Variants in FOXP2 observed in about 807,000 individuals in gnomAD.
FOXP2 encodes forkhead box protein P2.
Under a neutral mutation model 115.8 loss-of-function variants are expected in FOXP2, and 12 were observed. The observed-to-expected ratio is 0.10, with a 90% confidence interval of 0.07 to 0.17. FOXP2 has a LOEUF of 0.17. FOXP2 is among the 10% of genes least tolerant of loss of function. The pLI is 1.00. For missense variants in FOXP2, 629 were observed against 843.5 expected (o/e 0.75, Z 3.15); for synonymous variants, 328 against 297.7 (o/e 1.10, Z -1.05).
chr7:114,209,990 G>A (rs1363902684), intron 1 of FOXP2, among the ~76,000 whole-genome samples: 1 of 152,102 alleles, frequency 6.6e-6, no homozygotes, highest in African/African-American at 2.4e-5. Context: ...GGTCAGTTAT[G>A]TTCTTCTCCA....
At chr7:114,340,570 C>T (rs902060236) in intron 2 of FOXP2, among the ~76,000 whole-genome samples, 1 of 150,850 alleles carries the variant, frequency 6.6e-6, no homozygotes, top group Admixed American at 6.6e-5. Context: ...ACCTTTTTTG[C>T]AAAATAATTT....
chr7:114,532,687 GA>G (rs1453584434), intron 2 of FOXP2, among the ~76,000 whole-genome samples: 1 of 150,936 alleles, frequency 6.6e-6, no homozygotes, highest in African/African-American at 2.4e-5. Context: ...ATTTTTTAAA[GA>G]ATAATAAATA....
At chr7:114,493,999 C>T (rs1356695208) in intron 2 of FOXP2, among the ~76,000 whole-genome samples, 1 of 151,908 alleles carries the variant, frequency 6.6e-6, no homozygotes, top group African/African-American at 2.4e-5. Flanking sequence ...GTTCTTCTTT[C>T]TATGCTGTCA....
At chr7:114,547,228 T>C (rs1799969441) in intron 3 of FOXP2, among the ~76,000 whole-genome samples, 1 of 152,212 alleles carries the variant, frequency 6.6e-6, no homozygotes, top group African/African-American at 2.4e-5. Flanking sequence ...GCAATAACAA[T>C]TGATTCTTTT....
intron 1 of FOXP2, among the ~76,000 whole-genome samples, chr7:114,259,947 T>C (rs1795707453): frequency 1.3e-5 from 2 of 152,128 alleles, no homozygotes; most frequent in South Asian, 4.1e-4. Flanking sequence ...TGGAGTGCAG[T>C]GGTGCCATCT....
intron 2 of FOXP2, among the ~76,000 whole-genome samples, chr7:114,395,517 G>T (rs1307853161): frequency 6.6e-6 from 1 of 152,060 alleles, no homozygotes; most frequent in Non-Finnish European, 1.5e-5. Context: ...CAGATTCTGA[G>T]ATCTGAATTT....
At chr7:114,153,170 A>G (rs1277059191) in intron 1 of FOXP2, among the ~76,000 whole-genome samples, 1 of 152,120 alleles carries the variant, frequency 6.6e-6, no homozygotes, top group East Asian at 1.9e-4. Context: ...AAACTGGGAA[A>G]ACACAATTAG....
At chr7:114,291,424 G>A (rs185191285) in intron 2 of FOXP2, among the ~76,000 whole-genome samples, 1 of 152,202 alleles carries the variant, frequency 6.6e-6, no homozygotes, top group Admixed American at 6.6e-5. Flanking sequence ...TCAGTGTATT[G>A]CATTATGTAC....
At chr7:114,621,522 C>A (rs1263877807) in intron 3 of FOXP2, among the ~76,000 whole-genome samples, 1 of 152,056 alleles carries the variant, frequency 6.6e-6, no homozygotes, top group Non-Finnish European at 1.5e-5. Flanking sequence ...ACAATACTCT[C>A]AGTAAATCTA....
In FOXP2 at chr7:114,691,765, G is replaced by C. The variant is rs1319158232; in HGVS notation, c.*1839G>C. ...ACATACGTTCCCGTTCCATGTGATG[G>C]AACCGGTTCTTGCAAACTAAGCTCA... is the stretch of plus-strand genomic sequence containing the variant. On this transcript the variant is annotated 3_prime_UTR_variant, in exon 17 of 17. Transcript: ENST00000350908. 2.2e-6 allele frequency: 1 copy of C among 453,396 alleles called. No homozygotes were observed. Among genetic ancestry groups the C allele is most frequent in the Non-Finnish European group, 4.4e-6 (1 of 226,358 alleles). 28.1% of individuals were successfully genotyped at this position (453,396 alleles called of 1,614,324 possible). A position where few individuals can be genotyped will look rare whatever the true frequency, so the allele number is the denominator to read the frequency against.
chr7:114,216,154 C>T (rs1036962397), intron 1 of FOXP2, among the ~76,000 whole-genome samples: 3 of 152,058 alleles, frequency 2.0e-5, no homozygotes, highest in African/African-American at 7.2e-5. Flanking sequence ...GATTCTCTGC[C>T]CCTCTTATAG....
chr7:114,346,432 T>C (rs1791349493), intron 2 of FOXP2, among the ~76,000 whole-genome samples: 1 of 151,848 alleles, frequency 6.6e-6, no homozygotes, highest in Non-Finnish European at 1.5e-5. Context: ...TTACTGAGTG[T>C]ATAGTCAATG....
chr7:114,205,430 C>T (rs1040109750), intron 1 of FOXP2, among the ~76,000 whole-genome samples: 2 of 152,086 alleles, frequency 1.3e-5, no homozygotes, highest in South Asian at 2.1e-4. Context: ...ATTCATTTTC[C>T]AATCTTTACA....
intron 1 of FOXP2, among the ~76,000 whole-genome samples, chr7:114,204,392 T>C (rs1003081166): frequency 2.6e-5 from 4 of 152,202 alleles, no homozygotes; most frequent in Admixed American, 2.6e-4. Flanking sequence ...AACATGTAAC[T>C]AGTGGCTACT....
intron 1 of FOXP2, among the ~76,000 whole-genome samples, chr7:114,268,266 C>T (rs1452565130): frequency 6.6e-6 from 1 of 152,038 alleles, no homozygotes; most frequent in Non-Finnish European, 1.5e-5. Context: ...ATGTGTGGAA[C>T]TTATAATCAA....
In FOXP2 at chr7:114,659,405, A is replaced by C. The variant is rs778024661; in HGVS notation, c.1518A>C (p.Pro506=). 1.2e-6 allele frequency: 2 copies of C among 1,613,444 alleles called. No individual in the cohort carries two copies. The highest frequency in any genetic ancestry group is 2.2e-5 in the South Asian group (2 of 91,070). ...EFYKNADVRP[P]FTYATLIRQA... ...ATAAAAATGCAGATGTCAGACCTCC[A>C]TTTACTTATGCAACTCTCATAAGGC... The change falls in exon 12 of 17, where the codon CCA becomes CCC. Residue 506 remains proline (P), a synonymous_variant. Coordinates refer to ENST00000350908, the MANE Select transcript of FOXP2 (RefSeq NM_014491.4).
rs114848826 is a variant in FOXP2, at chr7:114,287,077, C to T, written c.-101-942C>T. On this transcript the variant is annotated intron_variant, in intron 1 of 17. Coordinates refer to the FOXP2 transcript ENST00000634411. ...GGCAGATTCAGATTTACTCTCCATA[C>T]AGCTCTCCATTTAGTCACTACCGAT... is the stretch of plus-strand genomic sequence containing the variant. Among the ~76,000 whole-genome samples, 209 of 152,080 alleles carry T rather than the reference C, an allele frequency of 1.4e-3. 1 individual carries two copies. The highest frequency in any genetic ancestry group is 4.7e-3 in the African/African-American group (194 of 41,532).
At chr7:114,207,593 G>A (rs944893468) in intron 1 of FOXP2, among the ~76,000 whole-genome samples, 7 of 152,066 alleles carry the variant, frequency 4.6e-5, no homozygotes, top group African/African-American at 1.2e-4. Flanking sequence ...CATCATCTAC[G>A]TTCCTATTGG....
intron 3 of FOXP2, among the ~76,000 whole-genome samples, chr7:114,606,244 C>G (rs1310360160): frequency 1.3e-5 from 2 of 152,158 alleles, no homozygotes; most frequent in African/African-American, 4.8e-5. Context: ...CAGAATCAAG[C>G]ACTGAGTTTC....
Sources: allele counts gnomAD v4.1 joint callset (sites outside exome capture counted in the v4.1 genomes callset), GRCh38; gene constraint gnomAD v4.1.1; transcripts MANE v1.5; gene names NCBI Gene and HGNC (gene_info 2026-07-23, HGNC 2026-07-21).